ANKRD17: variants seen among roughly 807,000 people sequenced by gnomAD.
ANKRD17 encodes ankyrin repeat domain 17.
A neutral mutation model predicts 229.7 loss-of-function variants in ANKRD17; 19 were observed. That is an observed-to-expected ratio of 0.08 (90% CI 0.06 to 0.12). The LOEUF is 0.12. Among genes scored for constraint, ANKRD17 ranks in the 10% least tolerant of loss-of-function variants. ANKRD17 has a pLI of 1.00. For synonymous variants in ANKRD17, 1,112 were observed against 1,146.1 expected (o/e 0.97, Z 0.60); for missense variants, 2,176 against 3,176.8 (o/e 0.68, Z 7.57).
In ANKRD17 at chr4:73,180,137, A is replaced by G. The variant is rs546453257; in HGVS notation, c.394-2604T>C. Among the ~76,000 whole-genome samples the G allele has an allele frequency of 5.4e-4, 82 of 152,294 alleles. 1 individual carries two copies. The South Asian group carries it at 0.016, about 29-fold the overall frequency. Reference sequence around the variant, plus strand: ...TAGAAAGTAGAAGACATCAAAAAGCAGTATATAGTTAACTGATTAATCAAA... The same window carrying G: ...TAGAAAGTAGAAGACATCAAAAAGCGGTATATAGTTAACTGATTAATCAAA... On this transcript the variant is annotated intron_variant, in intron 1 of 33. Coordinates refer to ENST00000358602, the MANE Select transcript of ANKRD17 (RefSeq NM_032217.5).
At chr4:73,222,900 G>A (rs1578449590) in intron 1 of ANKRD17, 1 of 1,232,766 alleles carries the variant, frequency 8.1e-7, no homozygotes, top group Non-Finnish European at 1.1e-6. Flanking sequence ...CTATTCATCT[G>A]TAAAATAATT....
chr4:73,095,241 A>G (rs1371791064), intron 27 of ANKRD17, among the ~76,000 whole-genome samples: 1 of 152,176 alleles, frequency 6.6e-6, no homozygotes, highest in Non-Finnish European at 1.5e-5. Context: ...ACCATCCACA[A>G]ATATGAAAAC....
At chr4:73,218,762 T>C (rs1238239213) in intron 1 of ANKRD17, among the ~76,000 whole-genome samples, 1 of 152,114 alleles carries the variant, frequency 6.6e-6, no homozygotes, top group Non-Finnish European at 1.5e-5. Flanking sequence ...GAATTTCAAG[T>C]GCCTCACACT....
intron 6 of ANKRD17, among the ~76,000 whole-genome samples, chr4:73,153,171 C>T (rs1441489782): frequency 6.6e-6 from 1 of 152,018 alleles, no homozygotes; most frequent in Non-Finnish European, 1.5e-5. Context: ...AAATTTTTTA[C>T]TAGGTTTTGC....
Position 73,091,769 on chromosome 4 carries a change from A to G in ANKRD17, c.5859T>C (p.Asn1953=), listed in dbSNP as rs761861379. ...PHMVPRHSNQ[N]SSGSQVNSAG... is the part of the protein sequence containing the mutation. ...CTGAATTCACCTGAGAACCACTGCT[A>G]TTCTGATTGCTATGGCGAGGCACCA... Residue 1953 remains asparagine (N), a synonymous_variant, in exon 29 of 34, where the codon AAT becomes AAC. Coordinates refer to ENST00000358602, the MANE Select transcript of ANKRD17 (RefSeq NM_032217.5). 5 of 1,614,182 alleles carry G rather than the reference A, an allele frequency of 3.1e-6. No individual in the cohort carries two copies. Among genetic ancestry groups the G allele is most frequent in the South Asian group, 1.1e-5 (1 of 91,090 alleles).
At chr4:73,169,526 T>C (rs1733694941) in intron 2 of ANKRD17, among the ~76,000 whole-genome samples, 1 of 151,332 alleles carries the variant, frequency 6.6e-6, no homozygotes, top group Non-Finnish European at 1.5e-5. Context: ...GTAAGATGGC[T>C]GAAAAGGGGG....
intron 5 of ANKRD17, among the ~76,000 whole-genome samples, 200 bp downstream of exon 5, chr4:73,155,430 AT>A (rs1345959093): frequency 4.3e-4 from 65 of 152,350 alleles, no homozygotes; most frequent in Admixed American, 4.1e-3. Context: ...TAAAAGGCCA[AT>A]TGCCCTCATA....
intron 14 of ANKRD17, among the ~76,000 whole-genome samples, chr4:73,141,415 T>C (rs944623754): frequency 2.6e-5 from 4 of 152,154 alleles, no homozygotes; most frequent in African/African-American, 9.7e-5. Context: ...ACTGCAGAGA[T>C]TTAGGTAAGT....
chr4:73,135,328 T>G, intron 15 of ANKRD17, 63 bp from the exon 16 acceptor site: 1 of 1,474,730 alleles, frequency 6.8e-7, no homozygotes, highest in Non-Finnish European at 9.2e-7. Flanking sequence ...CTAAGACATA[T>G]TCACTCAAAA....
intron 1 of ANKRD17, among the ~76,000 whole-genome samples, chr4:73,209,027 G>A (rs910657135): frequency 2.0e-5 from 3 of 152,032 alleles, no homozygotes; most frequent in South Asian, 2.1e-4. Context: ...TCAACATGGC[G>A]AAACTCCCCT....
intron 1 of ANKRD17, among the ~76,000 whole-genome samples, chr4:73,243,981 G>GT (rs771426584): frequency 1.5e-4 from 23 of 152,246 alleles, no homozygotes; most frequent in South Asian, 1.2e-3. Flanking sequence ...TCTGGAGACT[G>GT]TAAGTCCAAG....
At chr4:73,192,502 C>A (rs910508479) in intron 1 of ANKRD17, among the ~76,000 whole-genome samples, 1 of 151,804 alleles carries the variant, frequency 6.6e-6, no homozygotes, top group Admixed American at 6.6e-5. Context: ...AGAATGAAAT[C>A]AAAGAGAGAA....
chr4:73,118,568 A>G lies in ANKRD17; in HGVS notation c.4188+120T>C, dbSNP rs1332956576. On this transcript the variant is annotated intron_variant, in intron 22 of 33. Coordinates refer to ENST00000358602, the MANE Select transcript of ANKRD17 (RefSeq NM_032217.5). ...TGTTGCCATAAGAGTAATTATTTGC[A>G]TATTATTGCTTTCATCACAGCTGCA... 11 of 1,088,852 alleles carry G rather than the reference A, an allele frequency of 1.0e-5. No individual in the cohort carries two copies. In the Admixed American group the frequency reaches 1.3e-4, roughly 13 times the overall value. The allele number at this position is 1,088,852 out of a possible 1,614,324, so 67.4% of individuals were successfully genotyped here. A position where few individuals can be genotyped will look rare whatever the true frequency, so the allele number is the denominator to read the frequency against.
At chr4:73,144,873 A>G in intron 10 of ANKRD17, 41 bp from the exon 11 acceptor site, 6 of 1,372,872 alleles carry the variant, frequency 4.4e-6, no homozygotes, top group Non-Finnish European at 6.0e-6. Context: ...TTTAATTGCC[A>G]GTGAACAAGT....
intron 1 of ANKRD17, among the ~76,000 whole-genome samples, chr4:73,187,688 C>T (rs1056795227): frequency 6.6e-6 from 1 of 152,176 alleles, no homozygotes; most frequent in Admixed American, 6.6e-5. Flanking sequence ...CAATAAATCC[C>T]GTCATTCCTT....
In ANKRD17 at chr4:73,149,011, C is replaced by T. The variant is rs916029621; in HGVS notation, c.1369G>A (p.Gly457Ser). 13 of 1,612,654 alleles carry T rather than the reference C, an allele frequency of 8.1e-6. No individual in the cohort carries two copies. Among genetic ancestry groups the T allele is most frequent in the Non-Finnish European group, 1.1e-5 (13 of 1,179,298 alleles). Reference sequence around the variant, plus strand: ...TCAGCAGGCATGTTCACTTGGGCACCGCTGTCAAGAAGTAACCTAGCTACT... The same window carrying T: ...TCAGCAGGCATGTTCACTTGGGCACTGCTGTCAAGAAGTAACCTAGCTACT... ...VEVARLLLDS[G>S]AQVNMPADSF... The change falls in exon 8 of 34, where the codon GGT (glycine) becomes AGT (serine). Residue 457 changes from glycine (G) to serine (S), a missense_variant. Physicochemically the swap from Gly to Ser is moderately conservative, Grantham distance 56 (BLOSUM62 0). This residue lies in a region of ANKRD17 where 42 missense variants were observed against 141.3 expected (regional missense o/e 0.30). Coordinates refer to ENST00000358602, the MANE Select transcript of ANKRD17 (RefSeq NM_032217.5).
At chr4:73,131,570 C>A (rs147790322) in intron 16 of ANKRD17, among the ~76,000 whole-genome samples, 1 of 152,200 alleles carries the variant, frequency 6.6e-6, no homozygotes, top group East Asian at 1.9e-4. Context: ...GCTAATACAA[C>A]ATAATTCAAA....
At chr4:73,076,399 G>C in intron 33 of ANKRD17, 109 bp from the exon 34 acceptor site, 1 of 683,230 alleles carries the variant, frequency 1.5e-6, no homozygotes, top group Non-Finnish European at 2.1e-6. Context: ...AATATACTAG[G>C]AACTAATGGA....
At chr4:73,116,349 A>C (rs748967359) in intron 22 of ANKRD17, among the ~76,000 whole-genome samples, 5 of 152,210 alleles carry the variant, frequency 3.3e-5, no homozygotes, top group Admixed American at 1.3e-4. Flanking sequence ...AAACAAATGT[A>C]TAATACTGTC....
Sources: gnomAD v4.1 joint callset for allele counts (sites outside exome capture counted in the v4.1 genomes callset) on GRCh38, gnomAD v4.1.1 for gene constraint, gnomAD v4.1.1 regional missense constraint, MANE v1.5 for transcripts, NCBI Gene and HGNC (gene_info 2026-07-23, HGNC 2026-07-21) for gene names.